Variants in CRIM1 observed in about 807,000 individuals in gnomAD.
CRIM1 encodes the protein cysteine-rich motor neuron 1 protein.
A neutral mutation model predicts 116.4 loss-of-function variants in CRIM1; 32 were observed. The ratio of observed to expected loss-of-function variants is 0.27; its 90% CI spans 0.21 to 0.37. CRIM1 has a LOEUF of 0.37. Among genes scored for constraint, CRIM1 ranks in the 10% least tolerant of loss-of-function variants. The pLI is 1.00. For missense variants in CRIM1, 1,331 were observed against 1,354.8 expected, an observed-to-expected ratio of 0.98 and a Z score of 0.28; for synonymous variants, 590 against 509.2, an observed-to-expected ratio of 1.16 and a Z score of -2.13.
Position 36,430,939 on chromosome 2 carries a change from A to G in CRIM1, c.506-10319A>G, listed in dbSNP as rs183476225. On this transcript the variant is annotated intron_variant, in intron 2 of 16. Coordinates refer to ENST00000280527, the MANE Select transcript of CRIM1 (RefSeq NM_016441.3). ...AATAGCTGAGAACAGTCTCCAGGAG[A>G]AATTACCTATATAAGGCTGCTTCCT... Among the ~76,000 whole-genome samples the G allele has an allele frequency of 3.4e-3, 523 of 152,288 alleles. 2 individuals are homozygous for G. Among genetic ancestry groups the G allele is most frequent in the African/African-American group, 0.011 (474 of 41,558 alleles).
intron 7 of CRIM1, among the ~76,000 whole-genome samples, chr2:36,498,492 T>A (rs1426065699): frequency 6.6e-6 from 1 of 152,230 alleles, no homozygotes; most frequent in Admixed American, 6.5e-5. Context: ...TTTATGTAAG[T>A]ATATGTAGTT....
chr2:36,512,442 C>T (rs766673941), intron 10 of CRIM1, 48 bp downstream of exon 10: 16 of 1,558,700 alleles, frequency 1.0e-5, no homozygotes, highest in Middle Eastern at 1.9e-4. Flanking sequence ...CCAGGGGCAC[C>T]GAAACAAGGA....
At chr2:36,527,697 G>T (rs1196393076) in intron 13 of CRIM1, among the ~76,000 whole-genome samples, 1 of 152,120 alleles carries the variant, frequency 6.6e-6, no homozygotes, top group Non-Finnish European at 1.5e-5. Flanking sequence ...ACATCTGTTG[G>T]TCATTGTGTA....
At chr2:36,486,614 C>T (rs990349593) in intron 7 of CRIM1, among the ~76,000 whole-genome samples, 9 of 152,064 alleles carry the variant, frequency 5.9e-5, no homozygotes, top group East Asian at 1.9e-4. Flanking sequence ...GTTGAAGTGG[C>T]GTGCAAGGGG....
intron 2 of CRIM1, among the ~76,000 whole-genome samples, chr2:36,419,910 C>T (rs920093120): frequency 6.6e-6 from 1 of 152,192 alleles, no homozygotes. Context: ...TAATTTGTAG[C>T]AAATATGTGG....
At chr2:36,445,913 G>A (rs927135300) in intron 4 of CRIM1, among the ~76,000 whole-genome samples, 1 of 152,086 alleles carries the variant, frequency 6.6e-6, no homozygotes, top group African/African-American at 2.4e-5. Context: ...TAAAGAAGAA[G>A]ATTATAGAAC....
intron 7 of CRIM1, among the ~76,000 whole-genome samples, chr2:36,481,765 G>A (rs1679435434): frequency 6.6e-6 from 1 of 152,258 alleles, no homozygotes; most frequent in Middle Eastern, 3.4e-3. Context: ...GAAGATCAAC[G>A]GAAGTTTGTC....
At chr2:36,507,331 A>G (rs373081945) in intron 8 of CRIM1, among the ~76,000 whole-genome samples, 60 of 152,320 alleles carry the variant, frequency 3.9e-4, no homozygotes, top group South Asian at 1.7e-3. Context: ...GAAAATTTCA[A>G]TGTTATCAGA....
intron 4 of CRIM1, among the ~76,000 whole-genome samples, chr2:36,444,870 A>C (rs1359290820): frequency 6.6e-6 from 1 of 152,138 alleles, no homozygotes; most frequent in Non-Finnish European, 1.5e-5. Context: ...TCAAGACTGC[A>C]TTTCCTGCTC....
intron 8 of CRIM1, among the ~76,000 whole-genome samples, chr2:36,505,460 T>C (rs1209978274): frequency 1.9e-5 from 1 of 53,432 alleles, no homozygotes; most frequent in Non-Finnish European, 4.3e-5. Context: ...TAAGCATGAG[T>C]TATATATACA....
At chr2:36,391,118 ATTTTTTTTTTTT>A (rs57108558) in intron 1 of CRIM1, among the ~76,000 whole-genome samples, 78 of 67,228 alleles carry the variant, frequency 1.2e-3, no homozygotes, top group African/African-American at 2.5e-3. Flanking sequence ...CCAACTTTTG[ATTTTTTTTTTTT>A]TTTTTTTTTT....
rs527796915 is a variant in CRIM1, at chr2:36,418,972, TCTC to T, written c.505+22190_505+22192del. On this transcript the variant is annotated intron_variant, in intron 2 of 16. Coordinates refer to ENST00000280527, the MANE Select transcript of CRIM1 (RefSeq NM_016441.3). ...AGGCTGTATAGGTTCTGTCTCCTCT[TCTC>T]CTCCCACTGCCTTCCCCACTTCTCC... is the stretch of plus-strand genomic sequence containing the variant. Among the ~76,000 whole-genome samples the T allele has an allele frequency of 2.6e-3, 401 of 152,292 alleles. 2 individuals carry two copies. Among genetic ancestry groups the T allele is most frequent in the Middle Eastern group, 6.8e-3 (2 of 294 alleles).
chr2:36,421,224 T>C (rs1320899541), intron 2 of CRIM1, among the ~76,000 whole-genome samples: 1 of 152,240 alleles, frequency 6.6e-6, no homozygotes. Flanking sequence ...GTATGACTTT[T>C]ATGCAGGTAT....
intron 4 of CRIM1, among the ~76,000 whole-genome samples, chr2:36,453,610 T>G (rs940925007): frequency 6.6e-6 from 1 of 152,208 alleles, no homozygotes; most frequent in African/African-American, 2.4e-5. Context: ...GGAGCAGATA[T>G]TTTGAGCATT....
At chr2:36,401,257 A>G (rs1049878770) in intron 2 of CRIM1, among the ~76,000 whole-genome samples, 1 of 152,192 alleles carries the variant, frequency 6.6e-6, no homozygotes, top group African/African-American at 2.4e-5. Context: ...AAATACTTGA[A>G]CATATCACCA....
At chr2:36,542,833 C>G (rs916343390) in intron 14 of CRIM1, among the ~76,000 whole-genome samples, 1 of 152,144 alleles carries the variant, frequency 6.6e-6, no homozygotes, top group Non-Finnish European at 1.5e-5. Context: ...TAAATACCAT[C>G]CCCCTGCACA....
chr2:36,439,668 C>T (rs1336727647), intron 2 of CRIM1, among the ~76,000 whole-genome samples: 1 of 152,128 alleles, frequency 6.6e-6, no homozygotes, highest in South Asian at 2.1e-4. Context: ...CTCACTCCTT[C>T]AAGTCTTTGT....
chr2:36,461,483 A>G (rs1677576510), intron 4 of CRIM1, among the ~76,000 whole-genome samples: 1 of 152,206 alleles, frequency 6.6e-6, no homozygotes, highest in Admixed American at 6.5e-5. Flanking sequence ...GACTCAGTAG[A>G]GGAAAATCTA....
intron 1 of CRIM1, among the ~76,000 whole-genome samples, chr2:36,371,124 C>G (rs1032310038): frequency 1.3e-5 from 2 of 152,162 alleles, no homozygotes; most frequent in Admixed American, 1.3e-4. Context: ...GGTGTGGTGT[C>G]AGGTTTCAGA....
Sources: allele counts gnomAD v4.1 joint callset (sites outside exome capture counted in the v4.1 genomes callset), GRCh38; gene constraint gnomAD v4.1.1; transcripts MANE v1.5; gene names NCBI Gene and HGNC (gene_info 2026-07-23, HGNC 2026-07-21).